Variants in DDX21 observed in about 807,000 individuals in gnomAD.
The protein encoded by DDX21 is nucleolar RNA helicase 2.
In DDX21, 18 loss-of-function variants were observed where a neutral mutation model predicts 90.0. The observed-to-expected ratio is 0.20, with a 90% confidence interval of 0.14 to 0.30. The LOEUF (loss-of-function observed/expected upper bound fraction) is 0.30, where lower values mean the gene tolerates loss of function less well. Among genes scored for constraint, DDX21 ranks in the 10% least tolerant of loss-of-function variants. The pLI, the probability that DDX21 is intolerant of heterozygous loss-of-function variation, is 1.00. For missense variants in DDX21, 673 were observed against 944.5 expected (o/e 0.71, Z 3.77); for synonymous variants, 294 against 318.0 (o/e 0.92, Z 0.80).
At chr10:68,956,980 TGTG>T (rs1842806650) in intron 1 of DDX21, among the ~76,000 whole-genome samples, 1 of 150,494 alleles carries the variant, frequency 6.6e-6, no homozygotes, top group Admixed American at 6.6e-5. Context: ...AGGCGGAGGT[TGTG>T]GTGAGCCGAG....
At chr10:68,958,400 C>T (rs1842828888) in intron 1 of DDX21, among the ~76,000 whole-genome samples, 1 of 151,830 alleles carries the variant, frequency 6.6e-6, no homozygotes, top group African/African-American at 2.4e-5. Flanking sequence ...TCCTAAGTAG[C>T]TAGGAGTATA....
chr10:68,959,012 T>C (rs937276618), intron 1 of DDX21, among the ~76,000 whole-genome samples: 2 of 152,094 alleles, frequency 1.3e-5, no homozygotes, highest in Admixed American at 6.5e-5. Context: ...AAATTGTCTC[T>C]TAAAAAAACA....
At position 68,958,445 on chromosome 10, in the gene DDX21, A is replaced by AT. The variant is rs67989966; in HGVS notation, c.88-1350dup. 2.5e-4 allele frequency among the ~76,000 whole-genome samples: 37 copies of AT among 148,932 alleles called. No homozygotes were observed. In the South Asian group the frequency reaches 4.2e-3, roughly 17 times the overall value. On this transcript the variant is annotated intron_variant, in intron 1 of 14. Coordinates refer to ENST00000354185, the MANE Select transcript of DDX21 (RefSeq NM_004728.4). ...CTACACCTGGCTAATTAAAAAAAAA[A>AT]TTTTTTTTTTTGAGACAGTCTTGCT...
intron 11 of DDX21, among the ~76,000 whole-genome samples, chr10:68,976,494 A>G (rs1843103409): frequency 6.6e-6 from 1 of 152,060 alleles, no homozygotes; most frequent in Non-Finnish European, 1.5e-5. Flanking sequence ...TCACCGTGTT[A>G]GCCAGGATGG....
At chr10:68,960,789 AAAAAT>A (rs1289658556) in intron 2 of DDX21, among the ~76,000 whole-genome samples, 6 of 152,122 alleles carry the variant, frequency 3.9e-5, no homozygotes, top group African/African-American at 1.4e-4. Context: ...AAAAAAAAAA[AAAAAT>A]TAGCATAGTG....
At position 68,983,236 on chromosome 10, in the gene DDX21, G is replaced by T. The variant is rs1843220622; in HGVS notation, c.*424G>T. 5.6e-6 allele frequency: 1 copy of T among 177,000 alleles called. No individual in the cohort carries two copies. The highest frequency in any genetic ancestry group is 1.2e-5 in the Non-Finnish European group (1 of 81,426). 11.0% of individuals were successfully genotyped at this position (177,000 alleles called of 1,614,324 possible). ...CCACTTTGAGCCTTTGGAAGTTAAG[G>T]TTTCCTCAGCCACCTGCCGAACAGT... On this transcript the variant is annotated 3_prime_UTR_variant, in exon 15 of 15. Coordinates refer to ENST00000354185, the MANE Select transcript of DDX21 (RefSeq NM_004728.4).
intron 11 of DDX21, among the ~76,000 whole-genome samples, chr10:68,976,529 C>T (rs558904781): frequency 6.6e-6 from 1 of 152,176 alleles, no homozygotes; most frequent in East Asian, 1.9e-4. Context: ...CCTCATGATC[C>T]GCCCGCCTTG....
At chr10:68,960,298 G>C (rs1252729763) in intron 2 of DDX21, 49 bp downstream of exon 2, 1 of 1,529,866 alleles carries the variant, frequency 6.5e-7, no homozygotes, top group Non-Finnish European at 8.8e-7. Context: ...TGTTGTTTCA[G>C]ATAAATAAGT....
intron 12 of DDX21, among the ~76,000 whole-genome samples, chr10:68,978,308 G>C (rs1005450666): frequency 6.6e-6 from 1 of 152,016 alleles, no homozygotes; most frequent in Non-Finnish European, 1.5e-5. Context: ...GTGCTGAATG[G>C]TTGCAGATCT....
At chr10:68,957,902 CAT>C (rs1239720853) in intron 1 of DDX21, among the ~76,000 whole-genome samples, 1 of 152,138 alleles carries the variant, frequency 6.6e-6, no homozygotes, top group Admixed American at 6.5e-5. Context: ...GGCTACAACA[CAT>C]GTCTAATTGT....
At chr10:68,962,249 C>T (rs1189979569) in intron 3 of DDX21, 92 bp downstream of exon 3, 3 of 948,220 alleles carry the variant, frequency 3.2e-6, no homozygotes, top group Admixed American at 4.4e-5. Context: ...AGGATGTATT[C>T]TTATTGTAGG....
chr10:68,976,100 G>T (rs889785644), intron 11 of DDX21, among the ~76,000 whole-genome samples: 2 of 151,470 alleles, frequency 1.3e-5, no homozygotes, highest in Non-Finnish European at 2.9e-5. Context: ...GGTAGCAAGT[G>T]CCTGTAGTCC....
At chr10:68,970,485 C>A in intron 8 of DDX21, 135 bp downstream of exon 8, 14 of 529,720 alleles carry the variant, frequency 2.6e-5, no homozygotes, top group Non-Finnish European at 4.1e-5. Flanking sequence ...GAGGAAGCTA[C>A]TTTTTTTTTT....
At chr10:68,957,436 G>A (rs909254856) in intron 1 of DDX21, among the ~76,000 whole-genome samples, 1 of 152,196 alleles carries the variant, frequency 6.6e-6, no homozygotes, top group Non-Finnish European at 1.5e-5. Context: ...AACAAAGATT[G>A]TCCTTGAACT....
chr10:68,969,440 C>CAG (rs1394432244), intron 7 of DDX21, among the ~76,000 whole-genome samples: 1 of 152,234 alleles, frequency 6.6e-6, no homozygotes, highest in African/African-American at 2.4e-5. Flanking sequence ...CTACCACGCC[C>CAG]AGCTAATTTT....
Position 68,960,098 on chromosome 10 carries a change from C to T in DDX21, c.380C>T (p.Ala127Val). The stretch of plus-strand genomic sequence containing the variant: ...GAGCCTTCTGAGGAAGAAATAGATG[C>T]TCCTAAGCCCAAGAAGATGAAGAAA... ...NEEPSEEEIDAPKPKKMKKEK... is the reference protein window; with the variant it reads ...NEEPSEEEIDVPKPKKMKKEK... Residue 127 changes from alanine to valine, a missense_variant, in exon 2 of 15, where the codon GCT (alanine) becomes GTT (valine). Around this residue, in one of 4 missense-constraint regions of DDX21, gnomAD observed 204 missense variants for 221.6 expected, o/e 0.92. Transcript: ENST00000354185. 6.2e-7 allele frequency: 1 copy of T among 1,613,904 alleles called. No homozygotes were observed. Among genetic ancestry groups the T allele is most frequent in the Non-Finnish European group, 8.5e-7 (1 of 1,179,996 alleles).
intron 13 of DDX21, among the ~76,000 whole-genome samples, chr10:68,979,742 A>T (rs1589289659): frequency 6.6e-6 from 1 of 152,218 alleles, no homozygotes; most frequent in African/African-American, 2.4e-5. Flanking sequence ...ATGTCTAGCC[A>T]TGTTGTTATC....
At chr10:68,978,165 C>T (rs1843132363) in intron 12 of DDX21, among the ~76,000 whole-genome samples, 1 of 152,036 alleles carries the variant, frequency 6.6e-6, no homozygotes, top group South Asian at 2.1e-4. Flanking sequence ...CACACACACA[C>T]ATACATGCAA....
At position 68,965,253 on chromosome 10, in the gene DDX21, T is replaced by TATC. The variant is rs1842924621; in HGVS notation, c.787-123_787-121dup. 9.3e-6 allele frequency: 6 copies of TATC among 646,906 alleles called. No homozygotes were observed. The South Asian group carries it at 9.8e-5, about 11-fold the overall frequency. The allele number at this position is 646,906 out of a possible 1,614,324, so 40.1% of individuals were successfully genotyped here. A position where few individuals can be genotyped will look rare whatever the true frequency, so the allele number is the denominator to read the frequency against. ...ATTAGACAAAAATATTAGATAATGT[T>TATC]ATCGTCATCATCAGCGTTAGACCTT... On this transcript the variant is annotated intron_variant, in intron 4 of 14. Coordinates refer to ENST00000354185, the MANE Select transcript of DDX21 (RefSeq NM_004728.4).
Sources: allele counts gnomAD v4.1 joint callset (sites outside exome capture counted in the v4.1 genomes callset), GRCh38; gene constraint gnomAD v4.1.1; regional missense constraint gnomAD v4.1.1; transcripts MANE v1.5; gene names NCBI Gene and HGNC (gene_info 2026-07-23, HGNC 2026-07-21).